The following IQGAP3 variants were observed in gnomAD, a reference collection of about 807,000 sequenced individuals.
IQGAP3 encodes the protein ras GTPase-activating-like protein IQGAP3.
A neutral mutation model predicts 208.2 loss-of-function variants in IQGAP3; 165 were observed. The observed-to-expected ratio is 0.79, with a 90% CI of 0.70 to 0.90. The LOEUF is 0.90. Ranked by LOEUF, IQGAP3 falls within the 40% of genes least tolerant of loss-of-function variation. The pLI is 0.00. For missense variants in IQGAP3, 1,811 were observed against 2,043.1 expected, an observed-to-expected ratio of 0.89 and a Z score of 2.19; for synonymous variants, 703 against 803.6, an observed-to-expected ratio of 0.87 and a Z score of 2.12.
Position 156,543,980 on chromosome 1 carries a change from C to T in IQGAP3, c.2530+1G>A. ...TGGGGAGGGTGGATCAGGCAGCTCA[C>T]CTAATATCCTGTAGTCATCTTGGGC... On this transcript the variant is annotated splice_donor_variant, in intron 22 of 37. Coordinates refer to ENST00000361170, the MANE Select transcript of IQGAP3 (RefSeq NM_178229.5). LOFTEE classifies it high-confidence loss of function. 6.2e-7 allele frequency: 1 copy of T among 1,613,992 alleles called. No homozygotes were observed. Among genetic ancestry groups the T allele is most frequent in the African/African-American group, 1.3e-5 (1 of 75,036 alleles).
In IQGAP3 at chr1:156,551,841, T is replaced by C; in HGVS notation, c.1598A>G (p.Glu533Gly). The change falls in exon 15 of 38, where the codon GAG (glutamate) becomes GGG (glycine). Residue 533 changes from glutamate (E) to glycine (G), a missense_variant. By Grantham distance (98) the Glu-to-Gly change is moderately conservative (BLOSUM62 -2). Coordinates refer to ENST00000361170, the MANE Select transcript of IQGAP3 (RefSeq NM_178229.5). ...CTCAGGGCTGCCTTTGTCCAGAGCC[T>C]CATTGATGAGGCTGACTGCAAGGAC... Reference protein sequence around the residue: ...DRVLAVSLINEALDKGSPEKT... With the variant: ...DRVLAVSLINGALDKGSPEKT... 1.9e-6 allele frequency: 3 copies of C among 1,610,418 alleles called. No homozygotes were observed. The highest frequency in any genetic ancestry group is 2.5e-6 in the Non-Finnish European group (3 of 1,177,880).
Position 156,537,185 on chromosome 1 carries a change from T to C in IQGAP3, c.3418A>G (p.Ile1140Val). Residue 1140 changes from isoleucine to valine, a missense_variant, in exon 27 of 38, where the codon ATT becomes GTT. Transcript: ENST00000361170. ...LLAITSSVDQ[I>V]PYGMRYVAKV... ...GGGTGGGGCTGTTGCACATACGGAATTTGGTCCACAGATGAGGTGATGGCT... is the reference window on the plus strand; with the variant it reads ...GGGTGGGGCTGTTGCACATACGGAACTTGGTCCACAGATGAGGTGATGGCT... 1 of 1,613,174 alleles carries C rather than the reference T, an allele frequency of 6.2e-7. No individual in the cohort carries two copies. Among genetic ancestry groups the C allele is most frequent in the Non-Finnish European group, 8.5e-7 (1 of 1,179,552 alleles).
In IQGAP3 at chr1:156,538,918, T is replaced by C. The variant is rs774723919; in HGVS notation, c.3172A>G (p.Lys1058Glu). The C allele has an allele frequency of 6.2e-7, 1 of 1,614,204 alleles. No homozygotes were observed. Reference sequence around the variant, plus strand: ...TCTTCTAGCACATCCTGGATAACCTTGCCCAGAATCTCCTGCAGGGCACTC... The same window carrying C: ...TCTTCTAGCACATCCTGGATAACCTCGCCCAGAATCTCCTGCAGGGCACTC... ...GQSALQEILG[K>E]VIQDVLEDKV... Residue 1058 changes from lysine (K) to glutamate (E), a missense_variant, in exon 26 of 38, where the codon AAG (lysine) becomes GAG (glutamate). Lys to Glu is a moderately conservative substitution (Grantham distance 56, BLOSUM62 1). Transcript: ENST00000361170.
chr1:156,532,897 T>A lies in IQGAP3; in HGVS notation c.4103+83A>T. Reference sequence around the variant, plus strand: ...AAGGGAGCCCAGGAAGAAGGTGGAATGGGCGCCTCAGAATAAGGCCATTTT... The same window carrying A: ...AAGGGAGCCCAGGAAGAAGGTGGAAAGGGCGCCTCAGAATAAGGCCATTTT... On this transcript the variant is annotated intron_variant, in intron 32 of 37. Transcript: ENST00000361170. 2.0e-6 allele frequency: 3 copies of A among 1,481,162 alleles called. No homozygotes were observed. The South Asian group carries it at 3.5e-5, about 17-fold the overall frequency. The allele number at this position is 1,481,162 out of a possible 1,614,324, so 91.8% of individuals were successfully genotyped here.
chr1:156,537,500 G>A (rs1353183729), intron 26 of IQGAP3, among the ~76,000 whole-genome samples, 179 bp from the exon 27 acceptor site: 4 of 152,184 alleles, frequency 2.6e-5, no homozygotes, highest in Admixed American at 6.5e-5. Context: ...AAATGCAGTC[G>A]GGAGGTAAAG....
At chr1:156,551,604 T>G in intron 15 of IQGAP3, 101 bp downstream of exon 15, 7 of 1,228,130 alleles carry the variant, frequency 5.7e-6, no homozygotes, top group Non-Finnish European at 6.7e-6. Flanking sequence ...CCAGAAGCCA[T>G]TGTGTCCATC....
At chr1:156,548,791 G>A (rs187668465) in intron 16 of IQGAP3, 43 bp from the exon 17 acceptor site, 121 of 1,510,340 alleles carry the variant, frequency 8.0e-5, no homozygotes, top group Admixed American at 2.1e-4. Flanking sequence ...CTTCCCCCGA[G>A]TCCCTCCCAT....
At chr1:156,548,541 G>A (rs780817582) in intron 17 of IQGAP3, 40 bp downstream of exon 17, 6 of 1,599,602 alleles carry the variant, frequency 3.8e-6, no homozygotes, top group South Asian at 2.2e-5. Flanking sequence ...GGGGTGGCTG[G>A]GGCAGGCAGC....
rs1557933085 is a variant in IQGAP3 at position 156,548,589 on chromosome 1, T to C, written c.1985A>G (p.Gln662Arg). 2 of 1,599,720 alleles carry C rather than the reference T, an allele frequency of 1.3e-6. No individual in the cohort carries two copies. Among genetic ancestry groups the C allele is most frequent in the East Asian group, 2.2e-5 (1 of 44,554 alleles). The change falls in exon 17 of 38, where the codon CAG becomes CGG. Residue 662 changes from glutamine (Q) to arginine (R), a missense_variant. By Grantham distance (43) the Gln-to-Arg change is conservative. Transcript: ENST00000361170. ...RALESAMAKK[Q>R]RPADTAFWVQ... ...CAGGTTGGGGCCATTACCTGGACGC[T>C]GTTTCTTTGCCATGGCACTTTCCAG...
chr1:156,533,130 G>A (rs1557918792), intron 31 of IQGAP3, 24 bp from the exon 32 acceptor site: 1 of 1,613,226 alleles, frequency 6.2e-7, no homozygotes, highest in African/African-American at 1.3e-5. Flanking sequence ...AGGAATGAGA[G>A]GGAGACAGGC....
intron 33 of IQGAP3, 91 bp from the exon 34 acceptor site, chr1:156,530,408 G>A: frequency 2.7e-6 from 3 of 1,108,158 alleles, no homozygotes; most frequent in Non-Finnish European, 3.9e-6. Flanking sequence ...GCAACAAAGG[G>A]AGGCCTGAGC....
intron 22 of IQGAP3, among the ~76,000 whole-genome samples, chr1:156,542,911 A>T (rs1675053446): frequency 6.6e-6 from 1 of 152,088 alleles, no homozygotes; most frequent in African/African-American, 2.4e-5. Flanking sequence ...ACTGCACTCC[A>T]GCCAGGGTGA....
At chr1:156,563,083 C>A in intron 8 of IQGAP3, 51 bp downstream of exon 8, 1 of 1,489,254 alleles carries the variant, frequency 6.7e-7, no homozygotes, top group South Asian at 1.3e-5. Context: ...TCACTTGAGA[C>A]TTTCCAGCCA....
Position 156,531,015 on chromosome 1 carries a change from C to T in IQGAP3, c.4191+145G>A, listed in dbSNP as rs114886260. 562 of 704,334 alleles carry T rather than the reference C, an allele frequency of 8.0e-4. 2 individuals carry two copies. In the African/African-American group the frequency reaches 8.5e-3, roughly 11 times the overall value. The allele number at this position is 704,334 out of a possible 1,614,324, so 43.6% of individuals were successfully genotyped here. On this transcript the variant is annotated intron_variant, in intron 33 of 37. Transcript: ENST00000361170. Reference sequence around the variant, plus strand: ...AAGCTGTATCCCTCATCCTGTAGGCCTCCAGAGTTCTCATTACTGGTGAGC... The same window carrying T: ...AAGCTGTATCCCTCATCCTGTAGGCTTCCAGAGTTCTCATTACTGGTGAGC...
In IQGAP3 at chr1:156,564,683, GA is replaced by G; in HGVS notation, c.368del (p.Phe123SerfsTer16). The G allele has an allele frequency of 6.2e-7, 1 of 1,613,372 alleles. No homozygotes were observed. Among genetic ancestry groups the G allele is most frequent in the Non-Finnish European group, 8.5e-7 (1 of 1,179,422 alleles). ...IAHIGLPSTFFPETTDIYDKK... is the reference protein window; with the variant it reads ...IAHIGLPSTFXPETTDIYDKK... Reference sequence around the variant, plus strand: ...TGTCATAGATGTCCGTGGTCTCTGGGAAGAAGGTCTAGAGGAGAAACCAGCC... The same window carrying G: ...TGTCATAGATGTCCGTGGTCTCTGGGAGAAGGTCTAGAGGAGAAACCAGCC... On this transcript the variant is annotated frameshift_variant, in exon 5 of 38. Transcript: ENST00000361170. LOFTEE classifies it high-confidence loss of function.
At chr1:156,560,769 C>A (rs534488704) in intron 11 of IQGAP3, among the ~76,000 whole-genome samples, 165 bp downstream of exon 11, 2 of 152,304 alleles carry the variant, frequency 1.3e-5, no homozygotes, top group African/African-American at 4.8e-5. Flanking sequence ...AGTGTCCCCC[C>A]AGGCAGCAGG....
At position 156,564,471 on chromosome 1, in the gene IQGAP3, C is replaced by A. The variant is rs185170749; in HGVS notation, c.437+144G>T. ...GACATGCACAAAAATCTAAACACAA[C>A]TCTGTAAATCTGAAACCTCACTCTC... On this transcript the variant is annotated intron_variant, in intron 5 of 37. Coordinates refer to ENST00000361170, the MANE Select transcript of IQGAP3 (RefSeq NM_178229.5). 586 of 689,552 alleles carry A rather than the reference C, an allele frequency of 8.5e-4. 1 individual carries two copies. Among genetic ancestry groups the A allele is most frequent in the Non-Finnish European group, 1.0e-3 (379 of 378,430 alleles). The allele number at this position is 689,552 out of a possible 1,614,324, so 42.7% of individuals were successfully genotyped here.
chr1:156,530,227 G>A lies in IQGAP3; in HGVS notation c.4282C>T (p.His1428Tyr), dbSNP rs775613036. Residue 1428 changes from histidine to tyrosine, a missense_variant, in exon 34 of 38, where the codon CAC becomes TAC. Coordinates refer to ENST00000361170, the MANE Select transcript of IQGAP3 (RefSeq NM_178229.5). Reference protein sequence around the residue: ...PLRRHRSLTAHSLLPLAEKQR... With the variant: ...PLRRHRSLTAYSLLPLAEKQR... ...TTCTCTGCCAGTGGCAGGAGGGAGT[G>A]AGCTGTCAGTGAGCGGTGTCGTCGC... 1 of 1,613,096 alleles carries A rather than the reference G, an allele frequency of 6.2e-7. No homozygotes were observed. Among genetic ancestry groups the A allele is most frequent in the Admixed American group, 1.7e-5 (1 of 59,960 alleles).
In IQGAP3 at chr1:156,534,536, C is replaced by A; in HGVS notation, c.3705G>T (p.Leu1235=). 1 of 1,597,148 alleles carries A rather than the reference C, an allele frequency of 6.3e-7. No homozygotes were observed. The change falls in exon 29 of 38, where the codon CTG becomes CTT. Residue 1235 remains leucine (L), a synonymous_variant. Transcript: ENST00000361170. ...GGTGTGTTTCCTCCAGATAGTCATT[C>A]AGGACCCGTAGGTGCTGGCTCTGCC... The part of the protein sequence containing the change: ...FSGQSQHLRV[L]NDYLEETHLK...
Sources: gnomAD v4.1 joint callset for allele counts (sites outside exome capture counted in the v4.1 genomes callset) on GRCh38, gnomAD v4.1.1 for gene constraint, MANE v1.5 for transcripts, NCBI Gene and HGNC (gene_info 2026-07-23, HGNC 2026-07-21) for gene names.